The following ARHGAP26 variants were observed in gnomAD, a reference collection of about 807,000 sequenced individuals.
ARHGAP26 encodes Rho GTPase activating protein 26, also known as rho GTPase-activating protein 26.
In ARHGAP26, 38 loss-of-function variants were observed where a neutral mutation model predicts 104.8. The ratio of observed to expected loss-of-function variants is 0.36; its 90% CI spans 0.28 to 0.48. The LOEUF (loss-of-function observed/expected upper bound fraction) is 0.48. Ranked by LOEUF, ARHGAP26 falls within the 20% of genes least tolerant of loss-of-function variation. The pLI, the probability that ARHGAP26 is intolerant of heterozygous loss-of-function variation, is 0.99. For synonymous variants in ARHGAP26, 341 were observed against 340.0 expected, an observed-to-expected ratio of 1.00 and a Z score of -0.03; for missense variants, 704 against 947.9, an observed-to-expected ratio of 0.74 and a Z score of 3.38.
At chr5:143,061,477 C>T (rs1196076732) in intron 17 of ARHGAP26, among the ~76,000 whole-genome samples, 1 of 152,182 alleles carries the variant, frequency 6.6e-6, no homozygotes, top group Non-Finnish European at 1.5e-5. Flanking sequence ...AATACCTTTT[C>T]ACAGCTGGTT....
At chr5:143,154,814 A>C (rs1322993311) in intron 20 of ARHGAP26, among the ~76,000 whole-genome samples, 1 of 152,198 alleles carries the variant, frequency 6.6e-6, no homozygotes, top group Non-Finnish European at 1.5e-5. Flanking sequence ...TGAATGGCAA[A>C]ATGAATAATA....
intron 1 of ARHGAP26, among the ~76,000 whole-genome samples, chr5:142,802,317 T>G (rs574004874): frequency 6.6e-6 from 1 of 152,348 alleles, no homozygotes; most frequent in South Asian, 2.1e-4. Flanking sequence ...TCTCCTTTTA[T>G]TTTTCTGGTC....
At position 143,150,717 on chromosome 5, in the gene ARHGAP26, C is replaced by G. The variant is rs147112426; in HGVS notation, c.1988+3336C>G. Reference sequence around the variant, plus strand: ...TTTCATGCTGGAACAACTGGACATCCATATACACAAAAATGAATCTAGATA... The same window carrying G: ...TTTCATGCTGGAACAACTGGACATCGATATACACAAAAATGAATCTAGATA... On this transcript the variant is annotated intron_variant, in intron 20 of 22. Transcript: ENST00000645722. 3.7e-3 allele frequency among the ~76,000 whole-genome samples: 562 copies of G among 152,216 alleles called. 3 individuals carry two copies. The highest frequency in any genetic ancestry group is 0.013 in the African/African-American group (542 of 41,530).
chr5:143,085,012 T>A (rs57777709), intron 17 of ARHGAP26, among the ~76,000 whole-genome samples: 17,163 of 128,608 alleles, frequency 0.13, 1,925 homozygotes, highest in East Asian at 0.37. Context: ...GCCACTGCAC[T>A]CCAGCCTGGG....
chr5:142,824,575 A>C (rs1173959440), intron 1 of ARHGAP26, among the ~76,000 whole-genome samples: 2 of 152,206 alleles, frequency 1.3e-5, no homozygotes, highest in Non-Finnish European at 2.9e-5. Flanking sequence ...CCCTGGTGCC[A>C]GGCAGCATGG....
intron 11 of ARHGAP26, among the ~76,000 whole-genome samples, chr5:142,938,690 C>T (rs908726085): frequency 1.3e-5 from 2 of 152,176 alleles, no homozygotes; most frequent in African/African-American, 2.4e-5. Flanking sequence ...GCTCAGGAAG[C>T]CAGGGGGACT....
rs751001402 is a variant in ARHGAP26, at chr5:142,885,302, C to T, written c.389C>T (p.Ala130Val). The change falls in exon 5 of 23, where the codon GCC becomes GTC. Residue 130 changes from alanine (A) to valine (V), a missense_variant. Transcript: ENST00000645722. ...RKEQIGAAKE[A>V]KKKYDKETEK... ...TCTCTTCTCTTTTTTTGCCAGGAAG[C>T]CAAAAAGAAGTATGACAAAGAGACA... The T allele has an allele frequency of 2.5e-6, 4 of 1,612,570 alleles. No individual in the cohort carries two copies. The Admixed American group carries it at 6.7e-5, about 27-fold the overall frequency.
intron 20 of ARHGAP26, among the ~76,000 whole-genome samples, chr5:143,195,984 C>A (rs140118147): frequency 2.6e-5 from 4 of 152,196 alleles, no homozygotes; most frequent in African/African-American, 9.6e-5. Context: ...AAAAATAAAG[C>A]TATTTAAAAG....
At position 142,913,254 on chromosome 5, in the gene ARHGAP26, T is replaced by C. The variant is rs1264791893; in HGVS notation, c.989T>C (p.Ile330Thr). 5 of 1,614,086 alleles carry C rather than the reference T, an allele frequency of 3.1e-6. No individual in the cohort carries two copies. Among genetic ancestry groups the C allele is most frequent in the Middle Eastern group, 1.6e-4 (1 of 6,084 alleles). The stretch of plus-strand genomic sequence containing the variant: ...TGCACACGGCGGAAAACAGACTCCA[T>C]TGAGAAGAGGTTTTGCTTTGATGTG... The part of the protein sequence containing the change: ...KSCTRRKTDS[I>T]EKRFCFDVEA... The change falls in exon 10 of 23, where the codon ATT becomes ACT. Residue 330 changes from isoleucine to threonine, a missense_variant. Physicochemically the swap from Ile to Thr is moderately conservative, Grantham distance 89. This residue lies in a region of ARHGAP26 where 287 missense variants were observed against 438.8 expected (regional missense o/e 0.65). Coordinates refer to ENST00000645722, the MANE Select transcript of ARHGAP26 (RefSeq NM_001135608.3).
At chr5:142,884,147 T>G (rs1757379775) in intron 4 of ARHGAP26, among the ~76,000 whole-genome samples, 2 of 152,254 alleles carry the variant, frequency 1.3e-5, no homozygotes, top group South Asian at 4.1e-4. Context: ...GCCAACCTTC[T>G]TCCAGCTTCC....
At chr5:142,775,123 T>A (rs1756034011) in intron 1 of ARHGAP26, among the ~76,000 whole-genome samples, 1 of 151,962 alleles carries the variant, frequency 6.6e-6, no homozygotes, top group African/African-American at 2.4e-5. Context: ...GATTATATAG[T>A]AATGTATATA....
intron 4 of ARHGAP26, among the ~76,000 whole-genome samples, chr5:142,884,481 A>G (rs1234420140): frequency 1.3e-5 from 2 of 152,244 alleles, no homozygotes. Flanking sequence ...CTGTTACCCC[A>G]TTACCATAAC....
chr5:142,936,854 A>G (rs1765496792), intron 11 of ARHGAP26, among the ~76,000 whole-genome samples: 1 of 151,866 alleles, frequency 6.6e-6, no homozygotes, highest in African/African-American at 2.4e-5. Flanking sequence ...CTTAAACCTC[A>G]TATCTTATAC....
intron 1 of ARHGAP26, among the ~76,000 whole-genome samples, chr5:142,782,752 T>G (rs2151858236): frequency 6.6e-6 from 1 of 152,306 alleles, no homozygotes; most frequent in Non-Finnish European, 1.5e-5. Flanking sequence ...AATAAATATC[T>G]ATTATACCTT....
chr5:142,982,798 G>A (rs965808058), intron 11 of ARHGAP26, among the ~76,000 whole-genome samples: 1 of 152,170 alleles, frequency 6.6e-6, no homozygotes, highest in African/African-American at 2.4e-5. Flanking sequence ...GGAGTGGGAG[G>A]AAGATGGACC....
At chr5:143,068,734 G>A (rs575832393) in intron 17 of ARHGAP26, among the ~76,000 whole-genome samples, 1 of 152,152 alleles carries the variant, frequency 6.6e-6, no homozygotes, top group Admixed American at 6.5e-5. Context: ...CCATTTTTCT[G>A]TGCTTTTCCC....
chr5:143,177,744 T>A (rs1381242318), intron 20 of ARHGAP26, among the ~76,000 whole-genome samples: 1 of 152,216 alleles, frequency 6.6e-6, no homozygotes, highest in African/African-American at 2.4e-5. Context: ...CTTGGCATAC[T>A]GTACTATAGT....
chr5:143,008,121 A>G (rs1012814465), intron 11 of ARHGAP26, among the ~76,000 whole-genome samples: 5 of 152,270 alleles, frequency 3.3e-5, no homozygotes, highest in African/African-American at 1.2e-4. Context: ...AGAATGTTCA[A>G]TAGGCCATAG....
intron 12 of ARHGAP26, among the ~76,000 whole-genome samples, chr5:143,023,758 C>T (rs973018380): frequency 2.0e-5 from 3 of 152,196 alleles, no homozygotes; most frequent in African/African-American, 4.8e-5. Flanking sequence ...CACTGGCCCA[C>T]GAGGCAGTCA....
Sources: allele counts gnomAD v4.1 joint callset (sites outside exome capture counted in the v4.1 genomes callset), GRCh38; gene constraint gnomAD v4.1.1; regional missense constraint gnomAD v4.1.1; transcripts MANE v1.5; gene names NCBI Gene and HGNC (gene_info 2026-07-23, HGNC 2026-07-21).